MTCH2: variants seen among roughly 807,000 people sequenced by gnomAD.
MTCH2 encodes mitochondrial carrier homolog 2.
A neutral mutation model predicts 50.6 loss-of-function variants in MTCH2; 25 were observed. The ratio of observed to expected loss-of-function variants is 0.49; its 90% CI spans 0.36 to 0.69. The LOEUF is 0.69. MTCH2 is among the 30% of genes least tolerant of loss of function. The pLI is 0.00. For synonymous variants in MTCH2, 106 were observed against 132.0 expected, an observed-to-expected ratio of 0.80 and a Z score of 1.35; for missense variants, 273 against 384.4, an observed-to-expected ratio of 0.71 and a Z score of 2.42.
chr11:47,616,017 G>A (rs1218639269), downstream of MTCH2, among the ~76,000 whole-genome samples: 1 of 152,016 alleles, frequency 6.6e-6, no homozygotes, highest in Admixed American at 6.6e-5. Context: ...GGAGTGCAAT[G>A]GCACGATCTC....
At chr11:47,617,050 A>G (rs372905992), downstream of MTCH2, among the ~76,000 whole-genome samples, 4 of 152,286 alleles carry the variant, frequency 2.6e-5, no homozygotes, top group African/African-American at 9.6e-5. Context: ...CTTTTATGTT[A>G]GTAGCTTATA....
intron 3 of MTCH2, 101 bp from the exon 4 acceptor site, chr11:47,635,672 T>C: frequency 8.3e-7 from 1 of 1,202,276 alleles, no homozygotes; most frequent in East Asian, 2.4e-5. Flanking sequence ...TTAGCTGAAG[T>C]TTTTTTTAAA....
At chr11:47,638,608 G>C (rs2097311049) in intron 3 of MTCH2, 91 bp downstream of exon 3, 5 of 578,442 alleles carry the variant, frequency 8.6e-6, no homozygotes, top group East Asian at 4.1e-5. Context: ...GGTTATAAAT[G>C]TATCTTTTAA....
At chr11:47,640,798 A>G (rs2097313427) in intron 1 of MTCH2, among the ~76,000 whole-genome samples, 1 of 152,204 alleles carries the variant, frequency 6.6e-6, no homozygotes, top group Non-Finnish European at 1.5e-5. Flanking sequence ...ATGTTGTGAA[A>G]TCAGAATTAA....
chr11:47,625,362 G>A (rs972734721), intron 11 of MTCH2, among the ~76,000 whole-genome samples: 8 of 150,026 alleles, frequency 5.3e-5, no homozygotes, highest in Admixed American at 4.0e-4. Flanking sequence ...GGTGGAGGTC[G>A]CAGTGAGCCG....
the MTCH2 span, among the ~76,000 whole-genome samples, chr11:47,608,158 T>A: frequency 6.6e-6 from 1 of 152,178 alleles, no homozygotes; most frequent in African/African-American, 2.4e-5. Context: ...TATATGGCTG[T>A]TTTATGGGTT....
intron 6 of MTCH2, among the ~76,000 whole-genome samples, chr11:47,631,331 C>A (rs2097302831): frequency 6.6e-6 from 1 of 152,134 alleles, no homozygotes; most frequent in South Asian, 2.1e-4. Flanking sequence ...ACTGCTTGAA[C>A]CCGGAAGGCT....
chr11:47,633,155 G>C (rs2097304818), intron 5 of MTCH2, among the ~76,000 whole-genome samples: 1 of 146,942 alleles, frequency 6.8e-6, no homozygotes, highest in Non-Finnish European at 1.5e-5. Context: ...TGTCTCCCAG[G>C]CTGGAGTGCA....
chr11:47,635,480 G>T, intron 4 of MTCH2, 65 bp downstream of exon 4: 1 of 1,551,244 alleles, frequency 6.4e-7, no homozygotes, highest in Non-Finnish European at 8.9e-7. Context: ...TCCAAAAGAG[G>T]CCCCAAAAGC....
At chr11:47,634,521 G>T in intron 5 of MTCH2, 151 bp downstream of exon 5, 1 of 571,964 alleles carries the variant, frequency 1.7e-6, no homozygotes, top group Non-Finnish European at 3.1e-6. Flanking sequence ...TCTTTTTAAT[G>T]TTATACATGT....
At chr11:47,611,538 G>A in the MTCH2 span, among the ~76,000 whole-genome samples, 1 of 152,226 alleles carries the variant, frequency 6.6e-6, no homozygotes, top group Non-Finnish European at 1.5e-5. Context: ...CCAGGGAATA[G>A]TCCATTCTCT....
chr11:47,616,976 G>A (rs755917351), downstream of MTCH2, among the ~76,000 whole-genome samples: 5 of 152,130 alleles, frequency 3.3e-5, no homozygotes, highest in African/African-American at 4.8e-5. Context: ...GAGCCATTGC[G>A]CCCGGTCGCA....
chr11:47,621,436 CTTT>C (rs67019206), intron 12 of MTCH2, among the ~76,000 whole-genome samples: 12 of 138,062 alleles, frequency 8.7e-5, no homozygotes, highest in Non-Finnish European at 1.3e-4. Context: ...TTGTTATTGT[CTTT>C]TTTTTTTTTT....
At chr11:47,610,729 G>A in the MTCH2 span, among the ~76,000 whole-genome samples, 3 of 152,080 alleles carry the variant, frequency 2.0e-5, no homozygotes, top group South Asian at 2.1e-4. Flanking sequence ...ACTGTAATGA[G>A]TATTACTTTG....
chr11:47,614,551 C>T (rs1211097781), downstream of MTCH2, among the ~76,000 whole-genome samples: 2 of 152,160 alleles, frequency 1.3e-5, no homozygotes, highest in Non-Finnish European at 2.9e-5. Flanking sequence ...ACTGCAACCT[C>T]CGCCTCCCAC....
At chr11:47,604,476 C>T in the MTCH2 span, among the ~76,000 whole-genome samples, 1 of 152,060 alleles carries the variant, frequency 6.6e-6, no homozygotes, top group African/African-American at 2.4e-5. Context: ...CCCTTTAAGT[C>T]AGTGATTTTA....
intron 11 of MTCH2, among the ~76,000 whole-genome samples, chr11:47,625,422 CA>C (rs113436646): frequency 0.57 from 50,796 of 89,302 alleles, 9,076 homozygotes; most frequent in Admixed American, 0.6. Flanking sequence ...GACTCCATCT[CA>C]AAAAAAAAAA....
chr11:47,628,813 G>A (rs1229631283), intron 9 of MTCH2, 140 bp downstream of exon 9: 14 of 630,252 alleles, frequency 2.2e-5, no homozygotes, highest in South Asian at 1.9e-4. Context: ...CTTGATCTCA[G>A]GTGATCCGCC....
At chr11:47,632,695 G>GT (rs994229788) in intron 5 of MTCH2, among the ~76,000 whole-genome samples, 10 of 150,860 alleles carry the variant, frequency 6.6e-5, no homozygotes, top group African/African-American at 1.2e-4. Flanking sequence ...TGGTCACTGA[G>GT]TTTTTTCTTT....
Sources: allele counts gnomAD v4.1 joint callset (sites outside exome capture counted in the v4.1 genomes callset), GRCh38; gene constraint gnomAD v4.1.1; transcripts MANE v1.5; gene names NCBI Gene and HGNC (gene_info 2026-07-23, HGNC 2026-07-21).